The following DCTN5 variants were observed in gnomAD, a reference collection of about 807,000 sequenced individuals.
The protein encoded by DCTN5 is dynactin subunit 5.
In DCTN5, 14 loss-of-function variants were observed where a neutral mutation model predicts 23.5. The ratio of observed to expected loss-of-function variants is 0.60; its 90% confidence interval spans 0.39 to 0.93. The LOEUF is 0.93. Ranked by LOEUF, DCTN5 falls within the 40% of genes least tolerant of loss-of-function variation. The pLI, the probability that DCTN5 is intolerant of heterozygous loss-of-function variation, is 0.00. For synonymous variants in DCTN5, 67 were observed against 79.6 expected (o/e 0.84, Z 0.84); for missense variants, 156 against 225.9 (o/e 0.69, Z 1.98).
At chr16:23,665,552 G>T in intron 4 of DCTN5, 74 bp from the exon 5 acceptor site, 1 of 1,405,412 alleles carries the variant, frequency 7.1e-7, no homozygotes, top group Non-Finnish European at 9.8e-7. Flanking sequence ...ATGGTATCAT[G>T]AATGGGGAAA....
At chr16:23,642,924 C>G (rs1967329305) in intron 1 of DCTN5, 31 bp from the exon 2 acceptor site, 1 of 1,605,022 alleles carries the variant, frequency 6.2e-7, no homozygotes. Flanking sequence ...ATTAAGTTTG[C>G]TTTCCCCGGT....
Position 23,669,724 on chromosome 16 carries a change from A to C in DCTN5, c.*2580A>C, listed in dbSNP as rs978785183. 1 of 152,288 alleles carries C rather than the reference A, an allele frequency of 6.6e-6. No individual in the cohort carries two copies. The highest frequency in any genetic ancestry group is 2.4e-5 in the African/African-American group (1 of 41,358). The allele number at this position is 152,288 out of a possible 1,614,324, so 9.4% of individuals were successfully genotyped here. A position where few individuals can be genotyped will look rare whatever the true frequency, so the allele number is the denominator to read the frequency against. ...CCCTGCTGTCCCTTACCCTCTGCCC[A>C]ATCTCTCATTACTCCTGGTCTTGGG... On this transcript the variant is annotated 3_prime_UTR_variant, in exon 6 of 6. Coordinates refer to ENST00000300087, the MANE Select transcript of DCTN5 (RefSeq NM_032486.4).
At chr16:23,665,475 T>A in intron 4 of DCTN5, 151 bp from the exon 5 acceptor site, 1 of 659,782 alleles carries the variant, frequency 1.5e-6, no homozygotes, top group Non-Finnish European at 2.6e-6. Context: ...GCTGCCTCCT[T>A]CTCGTCAGGT....
chr16:23,667,018 T>C (rs780785392), intron 5 of DCTN5, 29 bp from the exon 6 acceptor site: 17 of 1,612,994 alleles, frequency 1.1e-5, no homozygotes, highest in Middle Eastern at 1.7e-4. Flanking sequence ...TTCTTCAAGC[T>C]CCTTAGAGCT....
At chr16:23,651,471 A>C (rs774060405) in intron 2 of DCTN5, among the ~76,000 whole-genome samples, 4 of 152,240 alleles carry the variant, frequency 2.6e-5, no homozygotes, top group African/African-American at 4.8e-5. Flanking sequence ...TTAGGCTGAC[A>C]AACAGACTTA....
intron 4 of DCTN5, 94 bp downstream of exon 4, chr16:23,661,375 G>T (rs1431884274): frequency 1.2e-6 from 1 of 836,194 alleles, no homozygotes; most frequent in East Asian, 2.6e-5. Context: ...GACTAAGCAG[G>T]GTAGCAGTGG....
chr16:23,672,198 G>A lies in DCTN5; in HGVS notation c.*5054G>A, dbSNP rs1968018655. On this transcript the variant is annotated 3_prime_UTR_variant, in exon 6 of 6. Transcript: ENST00000300087. ...GAGACTCTGAGCTTCCTGGGAACAGGTATAGGTTCTTTTTATTTCAATAAT... is the reference window on the plus strand; with the variant it reads ...GAGACTCTGAGCTTCCTGGGAACAGATATAGGTTCTTTTTATTTCAATAAT... 6.6e-6 allele frequency: 1 copy of A among 152,150 alleles called. No individual in the cohort carries two copies. The highest frequency in any genetic ancestry group is 2.4e-5 in the African/African-American group (1 of 41,426). 9.4% of individuals were successfully genotyped at this position (152,150 alleles called of 1,614,324 possible). A position where few individuals can be genotyped will look rare whatever the true frequency, so the allele number is the denominator to read the frequency against.
intron 3 of DCTN5, among the ~76,000 whole-genome samples, chr16:23,660,131 C>G (rs1025053572): frequency 3.9e-5 from 6 of 152,134 alleles, no homozygotes; most frequent in African/African-American, 1.4e-4. Flanking sequence ...GTCAGTACTG[C>G]TACAGACTGT....
rs112460422 is a variant in DCTN5, at chr16:23,667,278, G to A, written c.*134G>A. 8.8e-7 allele frequency: 1 copy of A among 1,137,838 alleles called. No individual in the cohort carries two copies. The highest frequency in any genetic ancestry group is 2.6e-5 in the East Asian group (1 of 38,920). 70.5% of individuals were successfully genotyped at this position (1,137,838 alleles called of 1,614,324 possible). A position where few individuals can be genotyped will look rare whatever the true frequency, so the allele number is the denominator to read the frequency against. ...CTCCTCCTTTTAAAAAATTTCTTTA[G>A]AATTTCTCAATCTTCAAGGCTCTAA... On this transcript the variant is annotated 3_prime_UTR_variant, in exon 6 of 6. Transcript: ENST00000300087.
At position 23,669,175 on chromosome 16, in the gene DCTN5, C is replaced by T. The variant is rs60082997; in HGVS notation, c.*2031C>T. The T allele has an allele frequency of 0.045, 6,860 of 152,592 alleles. 291 individuals are homozygous for T. Among genetic ancestry groups the T allele is most frequent in the African/African-American group, 0.098 (4,084 of 41,500 alleles). 9.5% of individuals were successfully genotyped at this position (152,592 alleles called of 1,614,324 possible). A position where few individuals can be genotyped will look rare whatever the true frequency, so the allele number is the denominator to read the frequency against. ...CCCTGGAGATGAAAATCTCCTTGTC[C>T]TCAAAATACTTCCAGAAGAACAACC... On this transcript the variant is annotated 3_prime_UTR_variant, in exon 6 of 6. Transcript: ENST00000300087.
intron 4 of DCTN5, among the ~76,000 whole-genome samples, chr16:23,663,877 A>G (rs1967860241): frequency 6.6e-6 from 1 of 152,222 alleles, no homozygotes; most frequent in Non-Finnish European, 1.5e-5. Flanking sequence ...AAGTGGGCAA[A>G]ATGGCCAACC....
Position 23,669,942 on chromosome 16 carries a change from G to T in DCTN5, c.*2798G>T, listed in dbSNP as rs562791706. 1 of 152,256 alleles carries T rather than the reference G, an allele frequency of 6.6e-6. No homozygotes were observed. Among genetic ancestry groups the T allele is most frequent in the Admixed American group, 6.5e-5 (1 of 15,288 alleles). 9.4% of individuals were successfully genotyped at this position (152,256 alleles called of 1,614,324 possible). On this transcript the variant is annotated 3_prime_UTR_variant, in exon 6 of 6. Coordinates refer to ENST00000300087, the MANE Select transcript of DCTN5 (RefSeq NM_032486.4). ...CTGGGCCATGGAACTGCATCCTTAT[G>T]GTTCCCATAGCACCTTACCGAGGCG...
intron 2 of DCTN5, chr16:23,651,153 G>C: frequency 6.7e-6 from 8 of 1,188,834 alleles, no homozygotes; most frequent in Non-Finnish European, 7.3e-6. Context: ...AACAATACAG[G>C]TTTGCAAGTA....
Position 23,670,702 on chromosome 16 carries a change from G to T in DCTN5, c.*3558G>T, listed in dbSNP as rs893848062. ...TTGGGACAGCGTGTCCGAAGGCCTGGTTTTTTCAGAACTGGTCTCAGCAAA... is the reference window on the plus strand; with the variant it reads ...TTGGGACAGCGTGTCCGAAGGCCTGTTTTTTTCAGAACTGGTCTCAGCAAA... On this transcript the variant is annotated 3_prime_UTR_variant, in exon 6 of 6. Coordinates refer to ENST00000300087, the MANE Select transcript of DCTN5 (RefSeq NM_032486.4). 2 of 152,158 alleles carry T rather than the reference G, an allele frequency of 1.3e-5. No individual in the cohort carries two copies. Among genetic ancestry groups the T allele is most frequent in the African/African-American group, 4.8e-5 (2 of 41,428 alleles). 9.4% of individuals were successfully genotyped at this position (152,158 alleles called of 1,614,324 possible).
At chr16:23,661,077 A>T (rs1967800641) in intron 3 of DCTN5, 93 bp from the exon 4 acceptor site, 1 of 761,056 alleles carries the variant, frequency 1.3e-6, no homozygotes, top group South Asian at 2.1e-5. Flanking sequence ...TGCTAAGATG[A>T]TAAAGTTCAA....
rs922787712 is a variant in DCTN5, at chr16:23,667,302, A to G, written c.*158A>G. On this transcript the variant is annotated 3_prime_UTR_variant, in exon 6 of 6. Transcript: ENST00000300087. ...AGAATTTCTCAATCTTCAAGGCTCT[A>G]AGTGCTTAAGAATTCACTAACAGAC... is the stretch of plus-strand genomic sequence containing the variant. The G allele has an allele frequency of 1.2e-6, 1 of 861,568 alleles. No homozygotes were observed. Among genetic ancestry groups the G allele is most frequent in the Non-Finnish European group, 1.8e-6 (1 of 570,724 alleles). 53.4% of individuals were successfully genotyped at this position (861,568 alleles called of 1,614,324 possible).
intron 2 of DCTN5, chr16:23,650,671 C>A: frequency 1.5e-6 from 2 of 1,303,336 alleles, no homozygotes; most frequent in Non-Finnish European, 2.1e-6. Context: ...CACTTATCCA[C>A]CCTCCTCTTG....
intron 2 of DCTN5, among the ~76,000 whole-genome samples, chr16:23,645,421 A>T (rs1207854052): frequency 6.6e-6 from 1 of 151,956 alleles, no homozygotes; most frequent in African/African-American, 2.4e-5. Flanking sequence ...CACTGCGCCC[A>T]GCCTTACCAA....
chr16:23,651,292 T>C (rs1273965969), intron 2 of DCTN5: 2 of 701,828 alleles, frequency 2.8e-6, no homozygotes, highest in African/African-American at 1.9e-5. Flanking sequence ...CCACCTTCTT[T>C]CTTTTTAACA....
Sources: gnomAD v4.1 joint callset for allele counts (sites outside exome capture counted in the v4.1 genomes callset) on GRCh38, gnomAD v4.1.1 for gene constraint, MANE v1.5 for transcripts, NCBI Gene and HGNC (gene_info 2026-07-23, HGNC 2026-07-21) for gene names.